CAMK2D: variants seen among roughly 807,000 people sequenced by gnomAD.
The protein encoded by CAMK2D is calcium/calmodulin dependent protein kinase II delta, also known as calcium/calmodulin-dependent protein kinase type II subunit delta.
In CAMK2D, 37 loss-of-function variants were observed where a neutral mutation model predicts 84.0. The ratio of observed to expected loss-of-function variants is 0.44; its 90% CI spans 0.34 to 0.58. The LOEUF (loss-of-function observed/expected upper bound fraction) is 0.58. Among genes scored for constraint, CAMK2D ranks in the 20% least tolerant of loss-of-function variants. The pLI is 0.02. For synonymous variants in CAMK2D, 202 were observed against 212.5 expected (o/e 0.95, Z 0.43); for missense variants, 448 against 652.5 (o/e 0.69, Z 3.41).
At chr4:113,603,627 A>G (rs2098963424) in intron 4 of CAMK2D, among the ~76,000 whole-genome samples, 1 of 150,942 alleles carries the variant, frequency 6.6e-6, no homozygotes, top group East Asian at 1.9e-4. Flanking sequence ...AGAGACTACT[A>G]ATGCCTTATT....
chr4:113,454,428 T>C lies in CAMK2D; in HGVS notation c.*117A>G. 1.3e-6 allele frequency: 1 copy of C among 765,720 alleles called. No individual in the cohort carries two copies. The highest frequency in any genetic ancestry group is 1.4e-5 in the South Asian group (1 of 72,296). The allele number at this position is 765,720 out of a possible 1,614,324, so 47.4% of individuals were successfully genotyped here. A position where few individuals can be genotyped will look rare whatever the true frequency, so the allele number is the denominator to read the frequency against. On this transcript the variant is annotated 3_prime_UTR_variant, in exon 21 of 21. Transcript: ENST00000511664. ...TCACAACTTCATGCACTCAGAAACA[T>C]GCATGAAGAGGAGGAGAGGACGGCC...
At chr4:113,701,691 T>C (rs1353162382) in intron 2 of CAMK2D, among the ~76,000 whole-genome samples, 2 of 152,054 alleles carry the variant, frequency 1.3e-5, no homozygotes, top group Non-Finnish European at 2.9e-5. Flanking sequence ...AGACCGTACG[T>C]AGGTTTTATG....
intron 6 of CAMK2D, among the ~76,000 whole-genome samples, chr4:113,542,540 C>G (rs754934126): frequency 6.6e-6 from 1 of 151,968 alleles, no homozygotes; most frequent in Non-Finnish European, 1.5e-5. Flanking sequence ...ACAGTGAAAC[C>G]CTGTTTCTAC....
intron 3 of CAMK2D, among the ~76,000 whole-genome samples, chr4:113,661,277 A>T (rs2099230585): frequency 6.9e-6 from 1 of 144,518 alleles, no homozygotes; most frequent in Non-Finnish European, 1.5e-5. Context: ...GTAAAGGATT[A>T]TTGTTTTCAT....
rs2099482883 is a variant in CAMK2D at position 113,709,745 on chromosome 4, CGATATATATATATATA to C, written c.161-47989_161-47974del. Among the ~76,000 whole-genome samples the C allele has an allele frequency of 8.1e-5, 2 of 24,638 alleles. 1 individual carries two copies. Among genetic ancestry groups the C allele is most frequent in the African/African-American group, 5.0e-4 (2 of 4,034 alleles). The allele number at this position is 24,638 out of a possible 152,430, so 16.2% of individuals were successfully genotyped here. A position where few individuals can be genotyped will look rare whatever the true frequency, so the allele number is the denominator to read the frequency against. ...AGAGTGAAAAGCTAAAAGCCGTGAA[CGATATATATATATATA>C]TATATATATATATATATATATGAGA... On this transcript the variant is annotated intron_variant, in intron 2 of 20. Coordinates refer to ENST00000511664, the MANE Select transcript of CAMK2D (RefSeq NM_001321571.2).
chr4:113,552,135 CA>C (rs532510989), intron 4 of CAMK2D, 39 bp from the exon 5 acceptor site: 1,378 of 1,113,270 alleles, frequency 1.2e-3, no homozygotes, highest in South Asian at 2.2e-3. Flanking sequence ...TAAAAAGAAG[CA>C]AAAAAAAATA....
intron 2 of CAMK2D, among the ~76,000 whole-genome samples, chr4:113,717,402 G>T (rs542783523): frequency 1.3e-5 from 2 of 151,970 alleles, no homozygotes; most frequent in Non-Finnish European, 2.9e-5. Flanking sequence ...AGATTTACAG[G>T]AACCTTTTGG....
At chr4:113,735,095 G>A (rs141347926) in intron 2 of CAMK2D, among the ~76,000 whole-genome samples, 44 of 151,500 alleles carry the variant, frequency 2.9e-4, no homozygotes, top group African/African-American at 8.5e-4. Flanking sequence ...CTACAATACC[G>A]ATAGCATATA....
intron 14 of CAMK2D, 106 bp from the exon 15 acceptor site, chr4:113,503,083 A>C (rs1486170543): frequency 1.2e-6 from 1 of 825,122 alleles, no homozygotes; most frequent in Non-Finnish European, 2.1e-6. Context: ...TGAAATAGTG[A>C]CAAGAGCTAA....
intron 2 of CAMK2D, among the ~76,000 whole-genome samples, chr4:113,669,650 G>A (rs1364867323): frequency 6.6e-6 from 1 of 152,144 alleles, no homozygotes; most frequent in Non-Finnish European, 1.5e-5. Flanking sequence ...CCTTTCACGA[G>A]AGTGCCTCTG....
At chr4:113,721,563 A>T (rs2099530480) in intron 2 of CAMK2D, among the ~76,000 whole-genome samples, 1 of 152,152 alleles carries the variant, frequency 6.6e-6, no homozygotes, top group Non-Finnish European at 1.5e-5. Flanking sequence ...AATGAATACC[A>T]ATGTTCATGT....
At chr4:113,504,646 G>A (rs185916673) in intron 14 of CAMK2D, among the ~76,000 whole-genome samples, 1 of 152,212 alleles carries the variant, frequency 6.6e-6, no homozygotes, top group Admixed American at 6.5e-5. Flanking sequence ...ATCATCAGAA[G>A]AGCTAAGAGC....
At chr4:113,634,719 T>C (rs1443419974) in intron 3 of CAMK2D, among the ~76,000 whole-genome samples, 3 of 152,242 alleles carry the variant, frequency 2.0e-5, no homozygotes, top group Non-Finnish European at 2.9e-5. Context: ...GCATTGATTC[T>C]GTGCCAGGAG....
chr4:113,695,824 C>G (rs993711526), intron 2 of CAMK2D, among the ~76,000 whole-genome samples: 15 of 152,090 alleles, frequency 9.9e-5, no homozygotes, highest in African/African-American at 3.6e-4. Flanking sequence ...ATTATCCCTG[C>G]ACACAAAACC....
intron 2 of CAMK2D, among the ~76,000 whole-genome samples, chr4:113,730,059 C>T (rs1264580242): frequency 2.0e-5 from 3 of 152,066 alleles, no homozygotes; most frequent in African/African-American, 4.8e-5. Flanking sequence ...GTTTGTTGTC[C>T]GTGTTCCACC....
intron 2 of CAMK2D, among the ~76,000 whole-genome samples, chr4:113,687,205 TCCATTCAGGTGTTA>T (rs1164210786): frequency 2.0e-5 from 3 of 152,228 alleles, no homozygotes; most frequent in African/African-American, 7.2e-5. Flanking sequence ...ATGTTAGATT[TCCATTCAGGTGTTA>T]CTGAAATGTA....
At chr4:113,729,529 CCTCTT>C (rs2099556574) in intron 2 of CAMK2D, among the ~76,000 whole-genome samples, 1 of 152,174 alleles carries the variant, frequency 6.6e-6, no homozygotes, top group African/African-American at 2.4e-5. Context: ...GCTGGCTGCT[CCTCTT>C]CTCTTGAGTC....
chr4:113,454,808 T>C (rs1384864013), intron 20 of CAMK2D, among the ~76,000 whole-genome samples: 1 of 152,200 alleles, frequency 6.6e-6, no homozygotes, highest in Non-Finnish European at 1.5e-5. Context: ...AATCTAAGTA[T>C]ACATCTTAAG....
chr4:113,457,418 T>C lies in CAMK2D; in HGVS notation c.1452A>G (p.Glu484=). 6.2e-7 allele frequency: 1 copy of C among 1,613,908 alleles called. No individual in the cohort carries two copies. The highest frequency in any genetic ancestry group is 8.5e-7 in the Non-Finnish European group (1 of 1,179,822). The change falls in exon 19 of 21, where the codon GAA becomes GAG. Residue 484 remains glutamate, a synonymous_variant. Coordinates refer to ENST00000511664, the MANE Select transcript of CAMK2D (RefSeq NM_001321571.2). The part of the protein sequence containing the change: ...GSGMPKTMQS[E]ETRVWHRRDG... ...CCCGGCGGTGCCACACACGAGTCTC[T>C]TCTGACTGCATTGTCTTTGGCATTC...
Sources: gnomAD v4.1 joint callset for allele counts (sites outside exome capture counted in the v4.1 genomes callset) on GRCh38, gnomAD v4.1.1 for gene constraint, MANE v1.5 for transcripts, NCBI Gene and HGNC (gene_info 2026-07-23, HGNC 2026-07-21) for gene names.